The following ANXA6 variants were observed in gnomAD, a reference collection of about 807,000 sequenced individuals.
The protein encoded by ANXA6 is annexin A6, also known as 67 kDa calelectrin.
ANXA6 carries 71 observed loss-of-function variants against 95.4 expected under a neutral mutation model. That is an observed-to-expected ratio of 0.74 (90% CI 0.61 to 0.91). The LOEUF is 0.91. Among genes scored for constraint, ANXA6 ranks in the 40% least tolerant of loss-of-function variants. The pLI, the probability that ANXA6 is intolerant of heterozygous loss-of-function variation, is 0.00. For synonymous variants in ANXA6, 289 were observed against 315.9 expected, an observed-to-expected ratio of 0.91 and a Z score of 0.90; for missense variants, 830 against 876.4, an observed-to-expected ratio of 0.95 and a Z score of 0.67.
At chr5:151,150,690 A>C (rs1766085298) in intron 1 of ANXA6, among the ~76,000 whole-genome samples, 1 of 152,112 alleles carries the variant, frequency 6.6e-6, no homozygotes, top group African/African-American at 2.4e-5. Context: ...TGCAGCTCTC[A>C]CCAGGAAATG....
chr5:151,153,763 A>T (rs866075224), intron 1 of ANXA6, among the ~76,000 whole-genome samples: 4 of 152,212 alleles, frequency 2.6e-5, no homozygotes, highest in Middle Eastern at 3.2e-3. Flanking sequence ...AGGTAAAAAA[A>T]GAGTTTTGTC....
At position 151,103,656 on chromosome 5, in the gene ANXA6, T is replaced by C. The variant is rs761087209; in HGVS notation, c.1876A>G (p.Met626Val). ...AGGTCAATCTCACTGCGGGATACCA[T>C]GATCCTGGTCAGAGTCTTCTCATCT... ...GTDEKTLTRI[M>V]VSRSEIDLLN... The change falls in exon 25 of 26, where the codon ATG becomes GTG. Residue 626 changes from methionine (M) to valine (V), a missense_variant. By Grantham distance (21) the Met-to-Val change is conservative. Transcript: ENST00000354546. 5 of 1,611,298 alleles carry C rather than the reference T, an allele frequency of 3.1e-6. No individual in the cohort carries two copies. The highest frequency in any genetic ancestry group is 2.2e-5 in the East Asian group (1 of 44,796).
At chr5:151,111,075 T>C (rs1764835544) in intron 20 of ANXA6, among the ~76,000 whole-genome samples, 1 of 152,118 alleles carries the variant, frequency 6.6e-6, no homozygotes, top group Non-Finnish European at 1.5e-5. Context: ...CTTTAGCATA[T>C]TCAGAGTTCC....
At chr5:151,121,293 TC>T (rs1237886514) in intron 17 of ANXA6, among the ~76,000 whole-genome samples, 1 of 152,142 alleles carries the variant, frequency 6.6e-6, no homozygotes, top group African/African-American at 2.4e-5. Flanking sequence ...AGTTTCCTCA[TC>T]TGTAAAATGG....
intron 1 of ANXA6, among the ~76,000 whole-genome samples, chr5:151,149,134 T>C (rs1385266548): frequency 2.1e-5 from 3 of 141,800 alleles, no homozygotes; most frequent in African/African-American, 8.1e-5. Flanking sequence ...TGAGCCAAGG[T>C]TGCACCACTG....
chr5:151,140,287 A>C (rs1339920399), intron 2 of ANXA6, 44 bp from the exon 3 acceptor site: 1 of 1,560,932 alleles, frequency 6.4e-7, no homozygotes, highest in Non-Finnish European at 8.8e-7. Flanking sequence ...CCCCGGACTG[A>C]GACCAAGCTC....
chr5:151,122,824 G>A, intron 16 of ANXA6, 93 bp downstream of exon 16: 1 of 1,112,374 alleles, frequency 9.0e-7, no homozygotes, highest in Non-Finnish European at 1.4e-6. Context: ...GAAGACCCTG[G>A]TGCCCAACTG....
Position 151,128,181 on chromosome 5 carries a change from T to A in ANXA6, c.977A>T (p.Asp326Val), listed in dbSNP as rs779328342. ...TLLKLSGGDD[D>V]AAGQFFPEAA... Reference sequence around the variant, plus strand: ...AGCCAGGGGCCAAGAAGCCACTTACTCATCATCTCCCCCAGACAGCTTCAG... The same window carrying A: ...AGCCAGGGGCCAAGAAGCCACTTACACATCATCTCCCCCAGACAGCTTCAG... The change falls in exon 13 of 26, where the codon GAT (aspartate) becomes GTT (valine). Residue 326 changes from aspartate to valine, a missense_variant and splice_region_variant. Coordinates refer to ENST00000354546, the MANE Select transcript of ANXA6 (RefSeq NM_001155.5). 7.4e-6 allele frequency: 12 copies of A among 1,611,904 alleles called. No individual in the cohort carries two copies. Among genetic ancestry groups the A allele is most frequent in the African/African-American group, 1.3e-5 (1 of 74,856 alleles).
intron 14 of ANXA6, among the ~76,000 whole-genome samples, chr5:151,125,043 A>C (rs968816264): frequency 2.0e-5 from 3 of 152,228 alleles, no homozygotes; most frequent in Admixed American, 2.0e-4. Context: ...TAATAGGCAC[A>C]CTCAAAAAAT....
rs747761940 is a variant in ANXA6 at position 151,101,495 on chromosome 5, C to T, written c.1975G>A (p.Gly659Arg). 1.7e-5 allele frequency: 27 copies of T among 1,560,616 alleles called. No homozygotes were observed. The highest frequency in any genetic ancestry group is 1.7e-4 in the Middle Eastern group (1 of 6,022). ...GCCAGCAAGGCCTTCAGGAAGTCTC[C>T]GGAGGTGTCACCCTGGCAGAGGCAG... ...LHQAIEGDTS[G>R]DFLKALLALC... Residue 659 changes from glycine (G) to arginine (R), a missense_variant, in exon 26 of 26, where the codon GGA becomes AGA. Physicochemically the swap from Gly to Arg is moderately radical, Grantham distance 125 (BLOSUM62 -2). Coordinates refer to ENST00000354546, the MANE Select transcript of ANXA6 (RefSeq NM_001155.5).
At chr5:151,109,541 T>TC (rs1308513577) in intron 22 of ANXA6, among the ~76,000 whole-genome samples, 1 of 152,082 alleles carries the variant, frequency 6.6e-6, no homozygotes, top group East Asian at 1.9e-4. Flanking sequence ...CCCACCTGCT[T>TC]CCCTAAGGAG....
intron 2 of ANXA6, among the ~76,000 whole-genome samples, chr5:151,140,769 C>A (rs756012413): frequency 1.2e-4 from 18 of 152,094 alleles, no homozygotes; most frequent in Non-Finnish European, 2.2e-4. Context: ...ACACTTTCAC[C>A]TCTGTGAATG....
intron 18 of ANXA6, among the ~76,000 whole-genome samples, chr5:151,118,291 A>G (rs1765061758): frequency 6.7e-6 from 1 of 148,326 alleles, no homozygotes; most frequent in Admixed American, 6.7e-5. Flanking sequence ...ACAGGGTCTC[A>G]CTCTGTCACC....
intron 1 of ANXA6, among the ~76,000 whole-genome samples, chr5:151,148,338 C>T (rs886679866): frequency 6.6e-6 from 1 of 152,168 alleles, no homozygotes; most frequent in African/African-American, 2.4e-5. Flanking sequence ...GATCACACAG[C>T]TTAGAACTGA....
intron 20 of ANXA6, among the ~76,000 whole-genome samples, chr5:151,113,600 T>C (rs1312027829): frequency 6.6e-6 from 1 of 152,052 alleles, no homozygotes; most frequent in Non-Finnish European, 1.5e-5. Flanking sequence ...CTAGACATAC[T>C]CGGTTTTTCA....
At position 151,105,241 on chromosome 5, in the gene ANXA6, T is replaced by G. The variant is rs1318965398; in HGVS notation, c.1839+4A>C. 6.2e-7 allele frequency: 1 copy of G among 1,613,712 alleles called. No homozygotes were observed. The highest frequency in any genetic ancestry group is 2.2e-5 in the East Asian group (1 of 44,890). ...GGGAAAGGAACGCCAGCATGTTTTC[T>G]TACCTTCATGGATTTGTAAAGTTTG... On this transcript the variant is annotated splice_donor_region_variant and intron_variant, in intron 24 of 25. Transcript: ENST00000354546.
At chr5:151,129,841 G>T (rs1257276867) in intron 11 of ANXA6, among the ~76,000 whole-genome samples, 1 of 152,104 alleles carries the variant, frequency 6.6e-6, no homozygotes. Context: ...TTCCTGAGCA[G>T]CTGGGAGTAC....
At chr5:151,102,507 C>A (rs1469076119) in intron 25 of ANXA6, among the ~76,000 whole-genome samples, 1 of 152,174 alleles carries the variant, frequency 6.6e-6, no homozygotes, top group Non-Finnish European at 1.5e-5. Flanking sequence ...AGCTAGCAAC[C>A]AGCCTGGCCA....
intron 14 of ANXA6, 96 bp downstream of exon 14, chr5:151,126,306 C>T (rs778634972): frequency 6.4e-6 from 7 of 1,088,442 alleles, no homozygotes; most frequent in South Asian, 1.4e-5. Context: ...TCGGGTTGGC[C>T]GCCAGGGGGC....
Sources: allele counts gnomAD v4.1 joint callset (sites outside exome capture counted in the v4.1 genomes callset), GRCh38; gene constraint gnomAD v4.1.1; transcripts MANE v1.5; gene names NCBI Gene and HGNC (gene_info 2026-07-23, HGNC 2026-07-21).